Variants in P4HA1 observed in about 807,000 individuals in gnomAD.
P4HA1 encodes prolyl 4-hydroxylase subunit alpha 1, also known as prolyl 4-hydroxylase subunit alpha-1.
A neutral mutation model predicts 72.8 loss-of-function variants in P4HA1; 24 were observed. The observed-to-expected ratio is 0.33, with a 90% CI of 0.24 to 0.46. The LOEUF (loss-of-function observed/expected upper bound fraction) is 0.46. P4HA1 is among the 20% of genes least tolerant of loss of function. P4HA1 has a pLI of 1.00. For synonymous variants in P4HA1, 201 were observed against 218.8 expected, an observed-to-expected ratio of 0.92 and a Z score of 0.72; for missense variants, 446 against 640.6, an observed-to-expected ratio of 0.70 and a Z score of 3.28.
intron 5 of P4HA1, among the ~76,000 whole-genome samples, chr10:73,068,115 T>A (rs1841470060): frequency 6.6e-6 from 1 of 152,214 alleles, no homozygotes. Context: ...AGAAATTTTA[T>A]TTACTATTAT....
intron 10 of P4HA1, 26 bp downstream of exon 10, chr10:73,030,245 G>T (rs1352550828): frequency 1.7e-6 from 2 of 1,198,420 alleles, no homozygotes; most frequent in Non-Finnish European, 2.4e-6. Flanking sequence ...GTGTAAAAAT[G>T]ACTTAAGGAT....
At chr10:73,010,687 A>G (rs7913609) in intron 13 of P4HA1, among the ~76,000 whole-genome samples, 7,674 of 152,112 alleles carry the variant, frequency 0.05, 656 homozygotes, top group African/African-American at 0.17. Flanking sequence ...TGGGCAATAC[A>G]GGGAGACACT....
intron 5 of P4HA1, among the ~76,000 whole-genome samples, chr10:73,058,090 G>GAAAA (rs869244017): frequency 1.7e-4 from 4 of 23,072 alleles, no homozygotes; most frequent in African/African-American, 4.3e-4. Flanking sequence ...ACTCCGTCCA[G>GAAAA]AAAAAAAAAA....
At chr10:73,069,808 T>TTTTC (rs1841508623) in intron 4 of P4HA1, among the ~76,000 whole-genome samples, 1 of 151,394 alleles carries the variant, frequency 6.6e-6, no homozygotes, top group African/African-American at 2.4e-5. Context: ...AATCAACTGT[T>TTTTC]TTGTTTTTTT....
rs185571149 is a variant in P4HA1, at chr10:73,008,411, C to T, written c.1535-119G>A. ...TGGGATAAAAGTTCAACACCAAAAC[C>T]GGATAAAGGCAGATGCTACTTAAAA... On this transcript the variant is annotated intron_variant, in intron 14 of 14. Coordinates refer to ENST00000394890, the MANE Select transcript of P4HA1 (RefSeq NM_001017962.3). The T allele has an allele frequency of 1.2e-3, 751 of 641,568 alleles. 2 individuals are homozygous for T. The highest frequency in any genetic ancestry group is 4.9e-4 in the Non-Finnish European group (176 of 361,266). 39.7% of individuals were successfully genotyped at this position (641,568 alleles called of 1,614,324 possible).
intron 1 of P4HA1, among the ~76,000 whole-genome samples, chr10:73,095,745 T>G (rs1209710227): frequency 6.6e-6 from 1 of 152,200 alleles, no homozygotes; most frequent in African/African-American, 2.4e-5. Context: ...AGCTGCTTCT[T>G]CAACCCTTTC....
At chr10:73,036,217 G>A (rs941695265) in intron 9 of P4HA1, among the ~76,000 whole-genome samples, 3 of 151,670 alleles carry the variant, frequency 2.0e-5, no homozygotes, top group Non-Finnish European at 4.4e-5. Context: ...TTGATGAAGG[G>A]TTTGAGGCTT....
At chr10:73,024,763 AAG>A (rs1840225241) in intron 10 of P4HA1, among the ~76,000 whole-genome samples, 2 of 152,322 alleles carry the variant, frequency 1.3e-5, no homozygotes, top group African/African-American at 4.8e-5. Flanking sequence ...TAAAGAAGAA[AAG>A]AGAGAATAAT....
intron 10 of P4HA1, among the ~76,000 whole-genome samples, chr10:73,017,262 T>C (rs549267980): frequency 6.6e-6 from 1 of 150,468 alleles, no homozygotes; most frequent in Non-Finnish European, 1.5e-5. Flanking sequence ...GATGTATATA[T>C]AGATATCTAT....
At chr10:73,093,971 TACAC>T in intron 1 of P4HA1, among the ~76,000 whole-genome samples, 1 of 144,904 alleles carries the variant, frequency 6.9e-6, no homozygotes, top group Non-Finnish European at 1.5e-5. Context: ...CATATATTTA[TACAC>T]ACACAACACA....
intron 11 of P4HA1, among the ~76,000 whole-genome samples, chr10:73,016,494 C>A (rs1206327006): frequency 6.6e-6 from 1 of 152,094 alleles, no homozygotes; most frequent in Admixed American, 6.6e-5. Context: ...CAATGTAATG[C>A]GGCCGGGCAC....
chr10:73,026,816 A>T (rs1178071001), intron 10 of P4HA1, among the ~76,000 whole-genome samples: 1 of 152,264 alleles, frequency 6.6e-6, no homozygotes, highest in Non-Finnish European at 1.5e-5. Context: ...TCAAAAGAAG[A>T]CATTTATGCA....
chr10:73,047,549 C>CA (rs1167975608), intron 7 of P4HA1, among the ~76,000 whole-genome samples: 7,939 of 58,250 alleles, frequency 0.14, 714 homozygotes, highest in Middle Eastern at 0.22. Context: ...ATGCTTGTGG[C>CA]AAAAAAAAAA....
rs2133021365 is a variant in P4HA1, at chr10:73,007,766, T to TTTA, written c.*453_*455dup. ...ACATGGAACCCAGTTAGTGTCCTAG[T>TTTA]TTATTACTAGTCTTCAGATCCAGAA... is the stretch of plus-strand genomic sequence containing the variant. On this transcript the variant is annotated 3_prime_UTR_variant, in exon 15 of 15. Transcript: ENST00000394890. 6.5e-6 allele frequency: 1 copy of TTTA among 153,346 alleles called. No homozygotes were observed. The highest frequency in any genetic ancestry group is 2.1e-4 in the South Asian group (1 of 4,864). 9.5% of individuals were successfully genotyped at this position (153,346 alleles called of 1,614,324 possible).
chr10:73,043,971 G>A, intron 9 of P4HA1: 1 of 1,604,844 alleles, frequency 6.2e-7, no homozygotes, highest in South Asian at 1.1e-5. Flanking sequence ...CAAAAAAAGA[G>A]AAAGGACAAG....
At chr10:73,018,357 GA>G (rs1840056309) in intron 10 of P4HA1, among the ~76,000 whole-genome samples, 1 of 152,198 alleles carries the variant, frequency 6.6e-6, no homozygotes, top group African/African-American at 2.4e-5. Context: ...GAGACCCAGG[GA>G]AACAGAGCAG....
chr10:73,023,808 G>GAA (rs1229563598), intron 10 of P4HA1, among the ~76,000 whole-genome samples: 10,550 of 84,986 alleles, frequency 0.12, 600 homozygotes, highest in East Asian at 0.36. Context: ...CAAATGGAAA[G>GAA]AAAAAAAAAA....
intron 1 of P4HA1, among the ~76,000 whole-genome samples, chr10:73,076,906 A>C (rs543776254): frequency 5.2e-4 from 79 of 152,208 alleles, no homozygotes; most frequent in Non-Finnish European, 1.0e-3. Context: ...CCCGTTCTAC[A>C]AGAGCTAAAA....
At chr10:73,065,189 T>C (rs147680289) in intron 5 of P4HA1, 2 of 151,888 alleles carry the variant, frequency 1.3e-5, no homozygotes, top group Non-Finnish European at 2.9e-5. Context: ...TTTGTACATA[T>C]GACATTTTCT....
Sources: allele counts gnomAD v4.1 joint callset (sites outside exome capture counted in the v4.1 genomes callset), GRCh38; gene constraint gnomAD v4.1.1; transcripts MANE v1.5; gene names NCBI Gene and HGNC (gene_info 2026-07-23, HGNC 2026-07-21).